Variants in AHCTF1 observed in about 807,000 individuals in gnomAD.
AHCTF1 encodes AT-hook containing transcription factor 1, also known as protein ELYS.
In AHCTF1, 24 loss-of-function variants were observed where a neutral mutation model predicts 248.4. The observed-to-expected ratio is 0.10, with a 90% CI of 0.07 to 0.14. The LOEUF is 0.14. Ranked by LOEUF, AHCTF1 falls within the 10% of genes least tolerant of loss-of-function variation. The probability of loss-of-function intolerance (pLI) is 1.00; values close to 1 mark genes in which losing one functional copy is unlikely to be tolerated. For synonymous variants in AHCTF1, 786 were observed against 929.8 expected, an observed-to-expected ratio of 0.85 and a Z score of 2.81; for missense variants, 2,206 against 2,636.2, an observed-to-expected ratio of 0.84 and a Z score of 3.57.
chr1:246,916,062 T>C, intron 3 of AHCTF1, 80 bp downstream of exon 3: 1 of 1,486,442 alleles, frequency 6.7e-7, no homozygotes, highest in Non-Finnish European at 9.0e-7. Context: ...CAGTGAAATT[T>C]CAAAAAGTAA....
chr1:246,841,882 C>G (rs1039908962), intron 35 of AHCTF1, among the ~76,000 whole-genome samples: 6 of 152,038 alleles, frequency 3.9e-5, no homozygotes, highest in Non-Finnish European at 8.8e-5. Context: ...ACCTCCGCCT[C>G]CTGGGTTCAA....
intron 21 of AHCTF1, among the ~76,000 whole-genome samples, chr1:246,878,783 G>A (rs1352710494): frequency 6.6e-6 from 1 of 152,152 alleles, no homozygotes; most frequent in Non-Finnish European, 1.5e-5. Flanking sequence ...TTGTTGTTCT[G>A]GAACTAGAGT....
chr1:246,866,611 ATACTT>A (rs1661999703), intron 26 of AHCTF1, among the ~76,000 whole-genome samples: 1 of 152,160 alleles, frequency 6.6e-6, no homozygotes, highest in South Asian at 2.1e-4. Context: ...ATCATTATAA[ATACTT>A]TAAACAATGT....
chr1:246,854,095 C>A (rs1345395155), intron 31 of AHCTF1, among the ~76,000 whole-genome samples: 1 of 151,992 alleles, frequency 6.6e-6, no homozygotes, highest in African/African-American at 2.4e-5. Flanking sequence ...GTCAGGAGAT[C>A]GAGACCACCC....
chr1:246,845,394 G>A (rs1360076721), intron 33 of AHCTF1, among the ~76,000 whole-genome samples: 1 of 152,012 alleles, frequency 6.6e-6, no homozygotes, highest in Non-Finnish European at 1.5e-5. Flanking sequence ...GTTGATATCA[G>A]ATATCAGAAA....
chr1:246,921,961 A>C (rs1337119386), intron 1 of AHCTF1, among the ~76,000 whole-genome samples: 2 of 152,250 alleles, frequency 1.3e-5, no homozygotes, highest in Admixed American at 1.3e-4. Context: ...CACAACAATA[A>C]TAATGGCTGT....
At position 246,839,137 on chromosome 1, in the gene AHCTF1, AT is replaced by A. The variant is rs1229149851; in HGVS notation, c.*1668del. The A allele has an allele frequency of 6.6e-6, 1 of 152,236 alleles. No homozygotes were observed. The highest frequency in any genetic ancestry group is 1.5e-5 in the Non-Finnish European group (1 of 68,046). 9.4% of individuals were successfully genotyped at this position (152,236 alleles called of 1,614,324 possible). On this transcript the variant is annotated 3_prime_UTR_variant, in exon 36 of 36. Transcript: ENST00000648844. ...GTTTTTATTCAAGCTATATAAAGAC[AT>A]TTATACGTAAGTACATACATTCATT...
chr1:246,873,656 G>A (rs925703785), intron 24 of AHCTF1, among the ~76,000 whole-genome samples: 13 of 151,772 alleles, frequency 8.6e-5, no homozygotes, highest in Non-Finnish European at 1.0e-4. Flanking sequence ...ACACTAAGTC[G>A]ATTTCTCTTG....
Position 246,843,358 on chromosome 1 carries a change from T to C in AHCTF1, c.6525+437A>G, listed in dbSNP as rs115734630. Among the ~76,000 whole-genome samples, 1,465 of 152,348 alleles carry C rather than the reference T, an allele frequency of 9.6e-3. 20 individuals carry two copies. Among genetic ancestry groups the C allele is most frequent in the African/African-American group, 0.033 (1,371 of 41,570 alleles). On this transcript the variant is annotated intron_variant, in intron 34 of 35. Coordinates refer to ENST00000648844, the MANE Select transcript of AHCTF1 (RefSeq NM_001323342.2). ...TGACAGACAAGGAATTTGCCTGAAT[T>C]ATTCTTGTGTAATTTGCCCTTGCAG...
At chr1:246,903,460 G>C (rs922414562) in intron 7 of AHCTF1, among the ~76,000 whole-genome samples, 1 of 152,130 alleles carries the variant, frequency 6.6e-6, no homozygotes, top group South Asian at 2.1e-4. Context: ...TGCTACCTGG[G>C]TAAATAGGTA....
chr1:246,912,249 G>A (rs1245665219), intron 4 of AHCTF1, among the ~76,000 whole-genome samples: 1 of 151,950 alleles, frequency 6.6e-6, no homozygotes, highest in Non-Finnish European at 1.5e-5. Context: ...GGCCAAGGCG[G>A]GCGGATCACA....
In AHCTF1 at chr1:246,860,956, C is replaced by T. The variant is rs1404491944; in HGVS notation, c.4075G>A (p.Gly1359Arg). 2 of 1,613,452 alleles carry T rather than the reference C, an allele frequency of 1.2e-6. No homozygotes were observed. Among genetic ancestry groups the T allele is most frequent in the African/African-American group, 1.3e-5 (1 of 74,906 alleles). The change falls in exon 29 of 36, where the codon GGA becomes AGA. Residue 1359 changes from glycine to arginine, a missense_variant. By Grantham distance (125) the Gly-to-Arg change is moderately radical. Around this residue, in one of 6 missense-constraint regions of AHCTF1, gnomAD observed 955 missense variants for 1,055.6 expected, o/e 0.90. Transcript: ENST00000648844. ...TNVTEQTEKD[G>R]DKDVFASEVT... Reference sequence around the variant, plus strand: ...TCTGATGCAAATACATCTTTATCTCCATCCTTTTCAGTTTGTTCAGTTACA... The same window carrying T: ...TCTGATGCAAATACATCTTTATCTCTATCCTTTTCAGTTTGTTCAGTTACA...
intron 8 of AHCTF1, among the ~76,000 whole-genome samples, chr1:246,901,441 G>A (rs997328782): frequency 1.3e-5 from 2 of 152,104 alleles, no homozygotes; most frequent in Admixed American, 6.6e-5. Flanking sequence ...TGGCTAACAC[G>A]GTGAAACCCT....
At chr1:246,910,156 C>G (rs192744256) in intron 4 of AHCTF1, among the ~76,000 whole-genome samples, 5 of 152,142 alleles carry the variant, frequency 3.3e-5, no homozygotes, top group Admixed American at 2.0e-4. Context: ...TGCAGAAAAT[C>G]GAAAATGATA....
At position 246,850,335 on chromosome 1, in the gene AHCTF1, G is replaced by C. The variant is rs1386361984; in HGVS notation, c.5671C>G (p.Leu1891Val). 5 of 1,613,660 alleles carry C rather than the reference G, an allele frequency of 3.1e-6. No homozygotes were observed. The highest frequency in any genetic ancestry group is 2.2e-5 in the East Asian group (1 of 44,866). ...GGACTTGTTACCGTACTAACTTTTA[G>C]ATCATTTATAATTTCAACACTTTCC... is the stretch of plus-strand genomic sequence containing the variant. ...NQESVEIIND[L>V]KVSTVTSPSR... is the part of the protein sequence containing the mutation. Residue 1891 changes from leucine to valine, a missense_variant, in exon 33 of 36, where the codon CTA becomes GTA. Physicochemically the swap from Leu to Val is conservative, Grantham distance 32 (BLOSUM62 1). Transcript: ENST00000648844.
intron 33 of AHCTF1, 120 bp from the exon 34 acceptor site, chr1:246,844,048 A>C (rs1394712442): frequency 8.9e-6 from 6 of 670,912 alleles, no homozygotes; most frequent in Non-Finnish European, 1.3e-5. Flanking sequence ...CCAAACCTGG[A>C]AACCATTAGT....
Position 246,899,499 on chromosome 1 carries a change from C to T in AHCTF1, c.1446G>A (p.Leu482=). The change falls in exon 11 of 36, where the codon TTG becomes TTA. Residue 482 remains leucine, a synonymous_variant. Transcript: ENST00000648844. ...PSTYNFDATC[L]LNSGVVHLTC... ...TTAAATGAACAACTCCCGAGTTTAA[C>T]AAACAAGTGGCATCTAAAAAAAAGA... 2 of 1,608,146 alleles carry T rather than the reference C, an allele frequency of 1.2e-6. No homozygotes were observed. The highest frequency in any genetic ancestry group is 2.2e-5 in the South Asian group (2 of 89,904).
intron 26 of AHCTF1, among the ~76,000 whole-genome samples, chr1:246,865,597 T>C (rs904076581): frequency 2.6e-5 from 4 of 152,210 alleles, no homozygotes; most frequent in Non-Finnish European, 5.9e-5. Flanking sequence ...TACTGAGCTA[T>C]CCCAAAGGAA....
At chr1:246,916,450 T>C in intron 2 of AHCTF1, 55 bp from the exon 3 acceptor site, 1 of 1,484,158 alleles carries the variant, frequency 6.7e-7, no homozygotes, top group Non-Finnish European at 9.2e-7. Flanking sequence ...AAACATGCAA[T>C]AACGGTTAGC....
Sources: allele counts gnomAD v4.1 joint callset (sites outside exome capture counted in the v4.1 genomes callset), GRCh38; gene constraint gnomAD v4.1.1; regional missense constraint gnomAD v4.1.1; transcripts MANE v1.5; gene names NCBI Gene and HGNC (gene_info 2026-07-23, HGNC 2026-07-21).